Variants in SMAD3 observed in about 807,000 individuals in gnomAD.
SMAD3 encodes the protein MAD homolog 3.
SMAD3 carries 12 observed loss-of-function variants against 51.8 expected under a neutral mutation model. The ratio of observed to expected loss-of-function variants is 0.23; its 90% CI spans 0.15 to 0.38. The LOEUF is 0.38. Among genes scored for constraint, SMAD3 ranks in the 10% least tolerant of loss-of-function variants. The pLI is 1.00. For synonymous variants in SMAD3, 238 were observed against 227.7 expected (o/e 1.05, Z -0.41); for missense variants, 294 against 565.6 (o/e 0.52, Z 4.87).
At chr15:67,167,004 C>T in intron 4 of SMAD3, 151 bp downstream of exon 4, 1 of 731,024 alleles carries the variant, frequency 1.4e-6, no homozygotes, top group East Asian at 2.7e-5. Context: ...AGGGGCAGGG[C>T]ATAGAAGAGG....
At chr15:67,088,702 G>A (rs1960447373) in intron 1 of SMAD3, among the ~76,000 whole-genome samples, 1 of 152,182 alleles carries the variant, frequency 6.6e-6, no homozygotes, top group Non-Finnish European at 1.5e-5. Context: ...GCCGAGGTGG[G>A]CGAATCACGA....
chr15:67,082,897 A>T (rs1036651661), intron 1 of SMAD3, among the ~76,000 whole-genome samples: 3 of 152,182 alleles, frequency 2.0e-5, no homozygotes, highest in African/African-American at 7.2e-5. Context: ...TTCTTGCTTG[A>T]TTAAAAGAGT....
intron 1 of SMAD3, among the ~76,000 whole-genome samples, chr15:67,124,950 A>G (rs1175975315): frequency 6.6e-6 from 1 of 152,248 alleles, no homozygotes; most frequent in Non-Finnish European, 1.5e-5. Flanking sequence ...GCAAAAAGCT[A>G]AAGCATACAT....
chr15:67,076,223 T>G (rs1960165781), intron 1 of SMAD3, among the ~76,000 whole-genome samples: 2 of 152,186 alleles, frequency 1.3e-5, no homozygotes, highest in African/African-American at 4.8e-5. Context: ...AAACAATTCA[T>G]ATTCTTAGGC....
In SMAD3 at chr15:67,142,199, A is replaced by ACC. The variant is rs549870512; in HGVS notation, c.207-22689_207-22688dup. 1.7e-3 allele frequency among the ~76,000 whole-genome samples: 221 copies of ACC among 127,964 alleles called. 1 individual carries two copies. Among genetic ancestry groups the ACC allele is most frequent in the African/African-American group, 5.4e-3 (180 of 33,584 alleles). The allele number at this position is 127,964 out of a possible 152,430, so 83.9% of individuals were successfully genotyped here. ...ATTCTTTTGTGTGTCTCCTCCCCAC[A>ACC]CCCCCCCCACCATTGTTTCTAGAAC... On this transcript the variant is annotated intron_variant, in intron 1 of 8. Transcript: ENST00000327367.
At position 67,181,005 on chromosome 15, in the gene SMAD3, T is replaced by A. The variant is rs544745636; in HGVS notation, c.659-236T>A. 2.9e-4 allele frequency among the ~76,000 whole-genome samples: 44 copies of A among 150,078 alleles called. No individual in the cohort carries two copies. The East Asian group carries it at 4.7e-3, about 16-fold the overall frequency. ...ATAAATAAATAAATAAATAAATAAA[T>A]AAAAAGAGAAATCAATGGCCCTTTA... On this transcript the variant is annotated intron_variant, in intron 5 of 8. Coordinates refer to ENST00000327367, the MANE Select transcript of SMAD3 (RefSeq NM_005902.4).
At chr15:67,171,468 A>T (rs1410482131) in intron 5 of SMAD3, among the ~76,000 whole-genome samples, 1 of 152,208 alleles carries the variant, frequency 6.6e-6, no homozygotes, top group Non-Finnish European at 1.5e-5. Context: ...GTTTTTATTG[A>T]GGGGAGATTT....
intron 1 of SMAD3, chr15:67,138,346 C>T: frequency 2.1e-6 from 1 of 473,460 alleles, no homozygotes; most frequent in Non-Finnish European, 3.9e-6. Context: ...TCCCCTGAAC[C>T]CCCCCTCCCC....
chr15:67,104,634 C>G (rs759627837), intron 1 of SMAD3, among the ~76,000 whole-genome samples: 1 of 152,090 alleles, frequency 6.6e-6, no homozygotes, highest in African/African-American at 2.4e-5. Context: ...TGGCCGAAGA[C>G]GGATAACTTT....
intron 5 of SMAD3, among the ~76,000 whole-genome samples, chr15:67,177,921 G>A (rs541643152): frequency 4.6e-5 from 7 of 152,264 alleles, no homozygotes; most frequent in East Asian, 3.9e-4. Flanking sequence ...AATAGAAAGC[G>A]CATGGCTGGG....
intron 1 of SMAD3, among the ~76,000 whole-genome samples, chr15:67,083,908 G>GT (rs1566962500): frequency 2.0e-5 from 3 of 152,130 alleles, no homozygotes; most frequent in African/African-American, 7.2e-5. Context: ...TCTGGGTGAG[G>GT]TTGAGGGTCC....
At chr15:67,088,568 T>A (rs1960443076) in intron 1 of SMAD3, among the ~76,000 whole-genome samples, 1 of 152,100 alleles carries the variant, frequency 6.6e-6, no homozygotes, top group Non-Finnish European at 1.5e-5. Context: ...CACTTTTAAT[T>A]CAGCGCTGCT....
chr15:67,080,535 T>C (rs1035343589), intron 1 of SMAD3, among the ~76,000 whole-genome samples: 2 of 152,180 alleles, frequency 1.3e-5, no homozygotes, highest in Non-Finnish European at 2.9e-5. Flanking sequence ...TTGGATGATA[T>C]TTAATGGCCA....
At chr15:67,159,780 C>T (rs1325399229) in intron 1 of SMAD3, among the ~76,000 whole-genome samples, 7 of 152,184 alleles carry the variant, frequency 4.6e-5, no homozygotes, top group African/African-American at 9.7e-5. Flanking sequence ...TAATTTTACA[C>T]GAACAGAATC....
intron 1 of SMAD3, among the ~76,000 whole-genome samples, chr15:67,163,667 C>T (rs545224470): frequency 6.6e-6 from 1 of 152,288 alleles, no homozygotes; most frequent in Admixed American, 6.5e-5. Flanking sequence ...TTCCCTGAAC[C>T]TCTGCTGCTG....
In SMAD3 at chr15:67,193,383, C is replaced by A; in HGVS notation, c.*2847C>A. The A allele has an allele frequency of 4.3e-6, 1 of 233,650 alleles. No homozygotes were observed. The highest frequency in any genetic ancestry group is 8.5e-6 in the Non-Finnish European group (1 of 118,066). The allele number at this position is 233,650 out of a possible 1,614,324, so 14.5% of individuals were successfully genotyped here. ...TGCAGCTAGCACTGGGACACAGATC[C>A]TTGTCTTCAGCACCTTCCAAGGAGC... is the stretch of plus-strand genomic sequence containing the variant. On this transcript the variant is annotated 3_prime_UTR_variant, in exon 9 of 9. Coordinates refer to ENST00000327367, the MANE Select transcript of SMAD3 (RefSeq NM_005902.4).
chr15:67,179,422 C>A (rs1240725753), intron 5 of SMAD3, among the ~76,000 whole-genome samples: 1 of 152,100 alleles, frequency 6.6e-6, no homozygotes, highest in East Asian at 1.9e-4. Flanking sequence ...CCCTCCCACC[C>A]ATCCACCCAC....
intron 1 of SMAD3, among the ~76,000 whole-genome samples, chr15:67,144,767 T>C (rs1461736472): frequency 1.3e-5 from 2 of 152,250 alleles, no homozygotes; most frequent in African/African-American, 4.8e-5. Context: ...TCCACAGGCT[T>C]GTGGCCTGAT....
At chr15:67,066,405 C>A (rs745336629) in intron 1 of SMAD3, 45 bp downstream of exon 1, 4 of 1,539,804 alleles carry the variant, frequency 2.6e-6, no homozygotes, top group Admixed American at 1.7e-5. Context: ...CCGGCCCAGC[C>A]CCCTGGCACT....
Sources: allele counts gnomAD v4.1 joint callset (sites outside exome capture counted in the v4.1 genomes callset), GRCh38; gene constraint gnomAD v4.1.1; transcripts MANE v1.5; gene names NCBI Gene and HGNC (gene_info 2026-07-23, HGNC 2026-07-21).